Variants in HNRNPR observed in about 807,000 individuals in gnomAD.
HNRNPR encodes heterogeneous nuclear ribonucleoprotein R.
A neutral mutation model predicts 70.3 loss-of-function variants in HNRNPR; 4 were observed. The ratio of observed to expected loss-of-function variants is 0.06; its 90% CI spans 0.03 to 0.13. The LOEUF is 0.13. Ranked by LOEUF, HNRNPR falls within the 10% of genes least tolerant of loss-of-function variation. The pLI is 1.00. For missense variants in HNRNPR, 423 were observed against 788.5 expected (o/e 0.54, Z 5.55); for synonymous variants, 241 against 267.6 (o/e 0.90, Z 0.97).
intron 5 of HNRNPR, among the ~76,000 whole-genome samples, chr1:23,332,639 G>A (rs1324897058): frequency 6.7e-6 from 1 of 148,678 alleles, no homozygotes; most frequent in African/African-American, 2.5e-5. Context: ...GGTGGAGGTT[G>A]CAGTGAGCCG....
At chr1:23,314,633 AT>A (rs1645461050) in intron 8 of HNRNPR, among the ~76,000 whole-genome samples, 3 of 152,342 alleles carry the variant, frequency 2.0e-5, no homozygotes, top group Middle Eastern at 6.8e-3. Context: ...ATCATTAATC[AT>A]TAATGGCACT....
intron 5 of HNRNPR, among the ~76,000 whole-genome samples, chr1:23,329,823 G>A (rs984506444): frequency 3.3e-5 from 5 of 152,176 alleles, no homozygotes; most frequent in Admixed American, 3.3e-4. Context: ...TAGAGACAGG[G>A]TCTCCTTATG....
At chr1:23,337,654 C>CAAAAAAAAAAAAAAA (rs372423149) in intron 4 of HNRNPR, 100 bp downstream of exon 4, 74 of 626,560 alleles carry the variant, frequency 1.2e-4, no homozygotes, top group African/African-American at 1.1e-3. Context: ...GACTCCGTCT[C>CAAAAAAAAAAAAAAA]AAAAAAAAAA....
Position 23,311,011 on chromosome 1 carries a change from G to C in HNRNPR, c.1345C>G (p.Arg449Gly). The C allele has an allele frequency of 6.2e-7, 1 of 1,614,038 alleles. No individual in the cohort carries two copies. The highest frequency in any genetic ancestry group is 8.5e-7 in the Non-Finnish European group (1 of 1,179,964). The change falls in exon 11 of 11, where the codon CGG becomes GGG. Residue 449 changes from arginine to glycine, a missense_variant. Physicochemically the swap from Arg to Gly is moderately radical, Grantham distance 125 (BLOSUM62 -2). Transcript: ENST00000302271. Reference sequence around the variant, plus strand: ...CCACCTCTCCCCCCACCACGACCCCGACCTCTAATTGGAGGTGGCATGCGA... The same window carrying C: ...CCACCTCTCCCCCCACCACGACCCCCACCTCTAATTGGAGGTGGCATGCGA... ...PPRMPPPIRG[R>G]GRGGGRGGYG...
chr1:23,334,076 G>C (rs2148455571), intron 4 of HNRNPR, among the ~76,000 whole-genome samples: 1 of 152,106 alleles, frequency 6.6e-6, no homozygotes, highest in South Asian at 2.1e-4. Context: ...ACCACGCCCA[G>C]CTAATTTTTG....
intron 4 of HNRNPR, among the ~76,000 whole-genome samples, chr1:23,336,407 T>C (rs1315406278): frequency 6.7e-6 from 1 of 149,090 alleles, no homozygotes; most frequent in Non-Finnish European, 1.5e-5. Context: ...CTACTAAAAA[T>C]ACAAGAAAAA....
rs1374234991 is a variant in HNRNPR at position 23,333,780 on chromosome 1, T to C, written c.385-149A>G. ...AAAAAAAGTCAAAATTCGCACTGGT[T>C]CCCCATACATGTTTCTACTGGTGAG... On this transcript the variant is annotated intron_variant, in intron 4 of 10. Transcript: ENST00000302271. 18 of 559,046 alleles carry C rather than the reference T, an allele frequency of 3.2e-5. No individual in the cohort carries two copies. In the East Asian group the frequency reaches 5.0e-4, roughly 16 times the overall value. The allele number at this position is 559,046 out of a possible 1,614,324, so 34.6% of individuals were successfully genotyped here.
chr1:23,337,865 G>C lies in HNRNPR; in HGVS notation c.277-4C>G, dbSNP rs772357050. The C allele has an allele frequency of 2.0e-6, 3 of 1,529,522 alleles. No homozygotes were observed. Among genetic ancestry groups the C allele is most frequent in the Admixed American group, 3.6e-5 (2 of 56,260 alleles). The allele number at this position is 1,529,522 out of a possible 1,614,324, so 94.7% of individuals were successfully genotyped here. Reference sequence around the variant, plus strand: ...CACATAAAAATGCACTTTTGTTCTAGAACAGACAAGTAATTCAATAAAAAG... The same window carrying C: ...CACATAAAAATGCACTTTTGTTCTACAACAGACAAGTAATTCAATAAAAAG... On this transcript the variant is annotated splice_polypyrimidine_tract_variant and splice_region_variant and intron_variant, in intron 3 of 10. Transcript: ENST00000302271.
At chr1:23,323,774 G>T (rs189417115) in intron 5 of HNRNPR, 42 bp from the exon 6 acceptor site, 2 of 1,547,032 alleles carry the variant, frequency 1.3e-6, no homozygotes, top group East Asian at 2.2e-5. Context: ...ATAAGCATTT[G>T]ATTTTAGAGC....
intron 5 of HNRNPR, among the ~76,000 whole-genome samples, chr1:23,330,467 G>A (rs1331594535): frequency 1.3e-5 from 2 of 151,940 alleles, no homozygotes; most frequent in East Asian, 1.9e-4. Context: ...CCTGGGAGGC[G>A]GAGGTTGCAG....
At chr1:23,341,156 A>T (rs186514881) in intron 1 of HNRNPR, 139 bp from the exon 2 acceptor site, 23 of 609,728 alleles carry the variant, frequency 3.8e-5, no homozygotes, top group Admixed American at 3.7e-4. Context: ...TCCTCCTGTG[A>T]TGTATCTGAC....
At chr1:23,341,446 G>A (rs1264974749) in intron 1 of HNRNPR, among the ~76,000 whole-genome samples, 1 of 152,118 alleles carries the variant, frequency 6.6e-6, no homozygotes, top group Non-Finnish European at 1.5e-5. Context: ...CAAGATTTAA[G>A]GACTTTCAAA....
At chr1:23,328,921 C>A (rs1399127164) in intron 5 of HNRNPR, among the ~76,000 whole-genome samples, 1 of 152,070 alleles carries the variant, frequency 6.6e-6, no homozygotes, top group African/African-American at 2.4e-5. Flanking sequence ...GAGTTTGAGA[C>A]CAGGCTGAGC....
chr1:23,324,390 A>T (rs532789341), intron 5 of HNRNPR, among the ~76,000 whole-genome samples: 21 of 152,120 alleles, frequency 1.4e-4, no homozygotes, highest in African/African-American at 4.8e-4. Flanking sequence ...AACATGGTGA[A>T]ACCCCGTCTC....
intron 8 of HNRNPR, among the ~76,000 whole-genome samples, chr1:23,316,747 A>G (rs1251138161): frequency 6.6e-6 from 1 of 152,224 alleles, no homozygotes; most frequent in Admixed American, 6.5e-5. Flanking sequence ...CCAAAGTCAT[A>G]GTTGTATTAG....
At position 23,326,560 on chromosome 1, in the gene HNRNPR, G is replaced by A. The variant is rs148827125; in HGVS notation, c.499-2828C>T. On this transcript the variant is annotated intron_variant, in intron 5 of 10. Transcript: ENST00000302271. ...AGCACTTTGGGAGGCTGAGACGGGC[G>A]GAATACTTGAGGTCAGGAGTTCAAG... Among the ~76,000 whole-genome samples the A allele has an allele frequency of 8.2e-4, 125 of 152,192 alleles. 1 individual carries two copies. Among genetic ancestry groups the A allele is most frequent in the African/African-American group, 2.5e-3 (102 of 41,526 alleles).
intron 8 of HNRNPR, among the ~76,000 whole-genome samples, chr1:23,315,358 T>A (rs973225952): frequency 6.6e-6 from 1 of 151,576 alleles, no homozygotes; most frequent in East Asian, 1.9e-4. Context: ...TAGGACAACT[T>A]ACAGTCAATG....
intron 4 of HNRNPR, 40 bp downstream of exon 4, chr1:23,337,714 T>TAAATGCAATTTCATTACAACTACCCA: frequency 8.4e-7 from 1 of 1,189,358 alleles, no homozygotes. Flanking sequence ...ACCTCATCAT[T>TAAATGCAATTTCATTACAACTACCCA]AAATGCAATT....
chr1:23,314,316 G>A (rs1445001516), intron 8 of HNRNPR, among the ~76,000 whole-genome samples: 1 of 152,108 alleles, frequency 6.6e-6, no homozygotes, highest in East Asian at 1.9e-4. Context: ...TAACACTGGA[G>A]TGGGGATGAC....
Sources: gnomAD v4.1 joint callset for allele counts (sites outside exome capture counted in the v4.1 genomes callset) on GRCh38, gnomAD v4.1.1 for gene constraint, MANE v1.5 for transcripts, NCBI Gene and HGNC (gene_info 2026-07-23, HGNC 2026-07-21) for gene names.